The following LPCAT2 variants were observed in gnomAD, a reference collection of about 807,000 sequenced individuals.
LPCAT2 encodes the protein 1-AGP acyltransferase 11.
Under a neutral mutation model 64.7 loss-of-function variants are expected in LPCAT2, and 58 were observed. That is an observed-to-expected ratio of 0.90 (90% CI 0.73 to 1.12). The LOEUF (loss-of-function observed/expected upper bound fraction) is 1.12, where lower values mean the gene tolerates loss of function less well. LPCAT2 is among the 50% of genes most tolerant of loss of function. The pLI is 0.00. For synonymous variants in LPCAT2, 252 were observed against 245.3 expected (o/e 1.03, Z -0.26); for missense variants, 579 against 669.8 (o/e 0.86, Z 1.50).
chr16:55,542,647 G>A (rs1275084333), intron 8 of LPCAT2, among the ~76,000 whole-genome samples: 3 of 152,212 alleles, frequency 2.0e-5, no homozygotes, highest in South Asian at 4.1e-4. Context: ...AGAAGTATCC[G>A]ACTCCCAAGT....
At chr16:55,520,591 G>A (rs566447708) in intron 1 of LPCAT2, among the ~76,000 whole-genome samples, 83 of 151,898 alleles carry the variant, frequency 5.5e-4, no homozygotes, top group Admixed American at 1.5e-3. Context: ...AATGCTTACC[G>A]ACATAGACCA....
At chr16:55,536,902 T>C (rs1197822084) in intron 7 of LPCAT2, among the ~76,000 whole-genome samples, 1 of 152,210 alleles carries the variant, frequency 6.6e-6, no homozygotes, top group Admixed American at 6.5e-5. Flanking sequence ...ACAATGAAAT[T>C]TGAAGCTTTT....
intron 11 of LPCAT2, among the ~76,000 whole-genome samples, chr16:55,570,127 G>T (rs1022221579): frequency 6.6e-6 from 1 of 152,080 alleles, no homozygotes; most frequent in African/African-American, 2.4e-5. Flanking sequence ...ATTTTGAAAA[G>T]TAACTTTATC....
At chr16:55,519,267 G>A (rs1024667523) in intron 1 of LPCAT2, among the ~76,000 whole-genome samples, 13 of 151,950 alleles carry the variant, frequency 8.6e-5, no homozygotes, top group Admixed American at 1.3e-4. Flanking sequence ...TTGGGAGGCC[G>A]AGGTGGGCGG....
At chr16:55,519,466 G>A (rs1245201855) in intron 1 of LPCAT2, among the ~76,000 whole-genome samples, 8 of 149,322 alleles carry the variant, frequency 5.4e-5, no homozygotes, top group Admixed American at 2.0e-4. Context: ...CTGAGATCCC[G>A]TCACTGCACT....
At chr16:55,554,827 T>C (rs1963556660) in intron 11 of LPCAT2, among the ~76,000 whole-genome samples, 1 of 152,132 alleles carries the variant, frequency 6.6e-6, no homozygotes, top group African/African-American at 2.4e-5. Flanking sequence ...CGTTGTAGTG[T>C]TATTACTCGG....
intron 11 of LPCAT2, 112 bp from the exon 12 acceptor site, chr16:55,574,519 A>G: frequency 5.5e-6 from 4 of 733,554 alleles, no homozygotes; most frequent in East Asian, 5.1e-5. Flanking sequence ...TTTTCTCCAA[A>G]TAGTGAATGA....
At chr16:55,557,571 GGTAAGGTGTCCCT>G (rs1963591451) in intron 11 of LPCAT2, among the ~76,000 whole-genome samples, 1 of 152,120 alleles carries the variant, frequency 6.6e-6, no homozygotes, top group Non-Finnish European at 1.5e-5. Flanking sequence ...AAAGAGAAAA[GGTAAGGTGTCCCT>G]GTTGCTCTTT....
intron 11 of LPCAT2, among the ~76,000 whole-genome samples, chr16:55,565,524 A>G (rs1198283625): frequency 6.6e-6 from 1 of 152,124 alleles, no homozygotes. Context: ...TCATCATTAG[A>G]AAGGAAGGGA....
In LPCAT2 at chr16:55,531,328, G is replaced by A. The variant is rs145162488; in HGVS notation, c.643-586G>A. On this transcript the variant is annotated intron_variant, in intron 4 of 13. Transcript: ENST00000262134. ...TATTTTACTTAATGGGGAAACTAAC[G>A]TACTGCATATCTTTTACTTTGAAAA... 8.8e-3 allele frequency among the ~76,000 whole-genome samples: 1,336 copies of A among 152,098 alleles called. 15 individuals are homozygous for A. The highest frequency in any genetic ancestry group is 0.03 in the African/African-American group (1,234 of 41,498).
chr16:55,549,010 T>C (rs1376201987), intron 9 of LPCAT2, among the ~76,000 whole-genome samples: 1 of 152,162 alleles, frequency 6.6e-6, no homozygotes. Flanking sequence ...GCAACTATTA[T>C]TATTATTATA....
chr16:55,585,772 G>T lies in LPCAT2; in HGVS notation c.*2674G>T, dbSNP rs533004333. 6.6e-6 allele frequency: 1 copy of T among 152,302 alleles called. No homozygotes were observed. Among genetic ancestry groups the T allele is most frequent in the South Asian group, 2.1e-4 (1 of 4,826 alleles). 9.4% of individuals were successfully genotyped at this position (152,302 alleles called of 1,614,324 possible). A position where few individuals can be genotyped will look rare whatever the true frequency, so the allele number is the denominator to read the frequency against. On this transcript the variant is annotated 3_prime_UTR_variant, in exon 14 of 14. Transcript: ENST00000262134. ...CTAGCTCTAATGCATATTTAAAGGA[G>T]ACTGCCTCGCTTTTAGAAGACATCT...
chr16:55,532,770 C>G (rs1963270874), intron 5 of LPCAT2, 54 bp from the exon 6 acceptor site: 1 of 1,199,714 alleles, frequency 8.3e-7, no homozygotes. Context: ...TTCTCTTTAT[C>G]ATAAAACTTT....
intron 11 of LPCAT2, among the ~76,000 whole-genome samples, chr16:55,553,424 T>C (rs1024853649): frequency 6.6e-6 from 1 of 152,202 alleles, no homozygotes; most frequent in African/African-American, 2.4e-5. Context: ...TCAGGAGTAG[T>C]TTCCATTGCA....
chr16:55,518,312 T>C (rs534689504), intron 1 of LPCAT2, among the ~76,000 whole-genome samples: 24 of 151,980 alleles, frequency 1.6e-4, no homozygotes, highest in Non-Finnish European at 2.6e-4. Context: ...GTTCATAAAT[T>C]TGGAAAACTT....
intron 11 of LPCAT2, among the ~76,000 whole-genome samples, chr16:55,563,248 A>G (rs1325584389): frequency 1.3e-5 from 2 of 151,928 alleles, no homozygotes; most frequent in South Asian, 2.1e-4. Flanking sequence ...CCTCCCAACA[A>G]AGAAAAGCCC....
chr16:55,527,512 C>G (rs963236607), intron 2 of LPCAT2, among the ~76,000 whole-genome samples: 1 of 150,164 alleles, frequency 6.7e-6, no homozygotes, highest in Admixed American at 6.7e-5. Flanking sequence ...TCATTAGATA[C>G]CTCCTGGATG....
rs1440016640 is a variant in LPCAT2 at position 55,583,063 on chromosome 16, C to T, written c.1600C>T (p.His534Tyr). The change falls in exon 14 of 14, where the codon CAT becomes TAT. Residue 534 changes from histidine to tyrosine, a missense_variant. Transcript: ENST00000262134. ...TASNKVSPEKHEESTSDKKDD is the reference protein window; with the variant it reads ...TASNKVSPEKYEESTSDKKDD The stretch of plus-strand genomic sequence containing the variant: ...CAGTAATAAAGTCAGCCCTGAAAAG[C>T]ATGAAGAGAGTACCTCAGACAAAAA... 3.7e-6 allele frequency: 6 copies of T among 1,613,626 alleles called. No individual in the cohort carries two copies. The South Asian group carries it at 5.5e-5, about 15-fold the overall frequency.
intron 1 of LPCAT2, among the ~76,000 whole-genome samples, chr16:55,514,170 G>T (rs1373867900): frequency 6.6e-6 from 1 of 152,020 alleles, no homozygotes; most frequent in Admixed American, 6.6e-5. Flanking sequence ...ATGATCATAG[G>T]GGACTTTAAA....
Sources: allele counts gnomAD v4.1 joint callset (sites outside exome capture counted in the v4.1 genomes callset), GRCh38; gene constraint gnomAD v4.1.1; transcripts MANE v1.5; gene names NCBI Gene and HGNC (gene_info 2026-07-23, HGNC 2026-07-21).